The following HLCS variants were observed in gnomAD, a reference collection of about 807,000 sequenced individuals.
HLCS encodes the protein biotin--protein ligase.
In HLCS, 53 loss-of-function variants were observed where a neutral mutation model predicts 75.0. The ratio of observed to expected loss-of-function variants is 0.71; its 90% CI spans 0.57 to 0.89. The LOEUF (loss-of-function observed/expected upper bound fraction) is 0.89, where lower values mean the gene tolerates loss of function less well. Ranked by LOEUF, HLCS falls within the 40% of genes least tolerant of loss-of-function variation. The pLI is 0.00. For missense variants in HLCS, 966 were observed against 1,074.0 expected (o/e 0.90, Z 1.41); for synonymous variants, 431 against 428.6 (o/e 1.01, Z -0.07).
At chr21:36,795,131 C>A (rs1442366988) in intron 6 of HLCS, among the ~76,000 whole-genome samples, 7 of 152,268 alleles carry the variant, frequency 4.6e-5, no homozygotes, top group African/African-American at 7.2e-5. Flanking sequence ...GTCTGATTAA[C>A]CTGACTTTGT....
chr21:36,932,250 T>C (rs2066680706), intron 4 of HLCS, among the ~76,000 whole-genome samples: 1 of 152,276 alleles, frequency 6.6e-6, no homozygotes, highest in Non-Finnish European at 1.5e-5. Context: ...AGTCTGGTGA[T>C]GTCTTTGTGA....
At chr21:36,979,769 C>T (rs2078195626) in intron 1 of HLCS, among the ~76,000 whole-genome samples, 1 of 151,798 alleles carries the variant, frequency 6.6e-6, no homozygotes, top group African/African-American at 2.4e-5. Flanking sequence ...TAAAAATTAG[C>T]CAGGCGGCCA....
chr21:36,968,010 G>A (rs901785823), upstream of HLCS, among the ~76,000 whole-genome samples: 6 of 151,282 alleles, frequency 4.0e-5, no homozygotes, highest in South Asian at 4.2e-4. Flanking sequence ...GTGAACCACC[G>A]CGCCCAGCTA....
At chr21:36,832,031 G>A (rs751573867) in intron 6 of HLCS, among the ~76,000 whole-genome samples, 8 of 151,918 alleles carry the variant, frequency 5.3e-5, no homozygotes, top group Non-Finnish European at 1.2e-4. Flanking sequence ...CGGTGGAAGG[G>A]GAAAAAAAAT....
chr21:36,927,030 G>C (rs2066439176), intron 5 of HLCS, among the ~76,000 whole-genome samples: 1 of 152,242 alleles, frequency 6.6e-6, no homozygotes, highest in Non-Finnish European at 1.5e-5. Context: ...ACAGGCTTGA[G>C]CCACTGCACC....
chr21:36,982,400 T>C (rs1341192194), intron 1 of HLCS, among the ~76,000 whole-genome samples: 2 of 152,220 alleles, frequency 1.3e-5, no homozygotes, highest in African/African-American at 4.8e-5. Flanking sequence ...AGCTAATTAA[T>C]GTGCAGAATT....
At chr21:36,969,938 CCCAGCTAG>C (rs2068741248), upstream of HLCS, among the ~76,000 whole-genome samples, 1 of 152,126 alleles carries the variant, frequency 6.6e-6, no homozygotes, top group African/African-American at 2.4e-5. Flanking sequence ...ACAAGAATGA[CCCAGCTAG>C]CCACTGAAGA....
chr21:36,854,708 C>T (rs1429490443), intron 6 of HLCS, among the ~76,000 whole-genome samples: 1 of 152,160 alleles, frequency 6.6e-6, no homozygotes. Context: ...ATGACCAGAA[C>T]GTAGTGCTCA....
rs1440288814 is a variant in HLCS, at chr21:36,842,473, C to T, written c.1892+54387G>A. 2.6e-5 allele frequency among the ~76,000 whole-genome samples: 4 copies of T among 152,188 alleles called. No individual in the cohort carries two copies. The highest frequency in any genetic ancestry group is 9.7e-5 in the African/African-American group (4 of 41,438). On this transcript the variant is annotated intron_variant, in intron 6 of 10. Coordinates refer to ENST00000674895, the MANE Select transcript of HLCS (RefSeq NM_001352514.2). The surrounding 1 kb of genome is among the most constrained non-coding windows in gnomAD (Gnocchi z 4.2). ...GAAACTCTCTGGCCAGGCACAGTGGCTCATCCCTATAATCCCAGCACTTCG... is the reference window on the plus strand; with the variant it reads ...GAAACTCTCTGGCCAGGCACAGTGGTTCATCCCTATAATCCCAGCACTTCG...
At chr21:36,973,050 T>C (rs2068832865) in intron 1 of HLCS, among the ~76,000 whole-genome samples, 1 of 123,840 alleles carries the variant, frequency 8.1e-6, no homozygotes, top group East Asian at 2.3e-4. Flanking sequence ...ACCCCATCTC[T>C]ATGAAAAAAA....
At chr21:36,790,336 G>A (rs374525870) in intron 6 of HLCS, among the ~76,000 whole-genome samples, 2 of 152,170 alleles carry the variant, frequency 1.3e-5, no homozygotes, top group South Asian at 2.1e-4. Flanking sequence ...CCCAGGAGGT[G>A]AAGGTTACAG....
rs147135263 is a variant in HLCS, at chr21:36,814,436, C to T, written c.1893-47151G>A. 3.9e-3 allele frequency among the ~76,000 whole-genome samples: 588 copies of T among 152,302 alleles called. 3 individuals carry two copies. The highest frequency in any genetic ancestry group is 0.014 in the African/African-American group (567 of 41,568). Reference sequence around the variant, plus strand: ...GATAATTTCTTAGTATGTCTCAAATCATGCATGGGATATACTTACACTAAA... The same window carrying T: ...GATAATTTCTTAGTATGTCTCAAATTATGCATGGGATATACTTACACTAAA... On this transcript the variant is annotated intron_variant, in intron 6 of 10. Coordinates refer to ENST00000674895, the MANE Select transcript of HLCS (RefSeq NM_001352514.2).
At chr21:36,833,185 T>C (rs1299536039) in intron 6 of HLCS, among the ~76,000 whole-genome samples, 1 of 150,528 alleles carries the variant, frequency 6.6e-6, no homozygotes, top group East Asian at 2.0e-4. Flanking sequence ...CATGCCTAGC[T>C]AAATTTTTTT....
chr21:36,988,725 T>G (rs143747275), intron 1 of HLCS, among the ~76,000 whole-genome samples: 57 of 152,348 alleles, frequency 3.7e-4, no homozygotes, highest in African/African-American at 1.3e-3. Flanking sequence ...GCTTTGCACT[T>G]AGCAACGGGA....
At position 36,754,406 on chromosome 21, in the gene HLCS, A is replaced by G; in HGVS notation, c.2462T>C (p.Val821Ala). Reference protein sequence around the residue: ...YRYWVHSGQQVHLGSAEGPKV... With the variant: ...YRYWVHSGQQAHLGSAEGPKV... Reference sequence around the variant, plus strand: ...TGGTCCCTCTGCGCTGCCCAGATGGACTTGCTGACCACTGAAAAGGAAGAA... The same window carrying G: ...TGGTCCCTCTGCGCTGCCCAGATGGGCTTGCTGACCACTGAAAAGGAAGAA... The change falls in exon 11 of 11, where the codon GTC becomes GCC. Residue 821 changes from valine to alanine, a missense_variant. Physicochemically the swap from Val to Ala is moderately conservative, Grantham distance 64 (BLOSUM62 0). Coordinates refer to ENST00000674895, the MANE Select transcript of HLCS (RefSeq NM_001352514.2). The G allele has an allele frequency of 1.2e-6, 2 of 1,612,664 alleles. No homozygotes were observed. The highest frequency in any genetic ancestry group is 1.7e-6 in the Non-Finnish European group (2 of 1,179,916).
chr21:36,985,683 T>C (rs1330129333), intron 1 of HLCS, among the ~76,000 whole-genome samples: 4 of 151,980 alleles, frequency 2.6e-5, no homozygotes, highest in Non-Finnish European at 5.9e-5. Flanking sequence ...GGAGAATCGC[T>C]TGGACCTGGG....
intron 6 of HLCS, among the ~76,000 whole-genome samples, chr21:36,776,808 G>A (rs1172225081): frequency 1.3e-5 from 2 of 152,220 alleles, no homozygotes; most frequent in Non-Finnish European, 2.9e-5. Flanking sequence ...TGGTTTCTGT[G>A]CTCAATTGCT....
At chr21:36,796,570 G>C (rs961881734) in intron 6 of HLCS, among the ~76,000 whole-genome samples, 1 of 152,168 alleles carries the variant, frequency 6.6e-6, no homozygotes, top group Non-Finnish European at 1.5e-5. Context: ...GGATAATCCA[G>C]GGCGTTGGGA....
intron 2 of HLCS, among the ~76,000 whole-genome samples, chr21:36,961,211 G>A (rs1169440059): frequency 6.6e-6 from 1 of 152,220 alleles, no homozygotes; most frequent in Non-Finnish European, 1.5e-5. Flanking sequence ...AAGGAAAGAC[G>A]TTTAGGACGT....
Sources: gnomAD v4.1 joint callset for allele counts (sites outside exome capture counted in the v4.1 genomes callset) on GRCh38, gnomAD v4.1.1 for gene constraint, Gnocchi (gnomAD v3.1) non-coding constraint, MANE v1.5 for transcripts, NCBI Gene and HGNC (gene_info 2026-07-23, HGNC 2026-07-21) for gene names.